Variants in PPARGC1A observed in about 807,000 individuals in gnomAD.
The protein encoded by PPARGC1A is peroxisome proliferator-activated receptor gamma coactivator 1-alpha.
In PPARGC1A, 25 loss-of-function variants were observed where a neutral mutation model predicts 88.7. The ratio of observed to expected loss-of-function variants is 0.28; its 90% CI spans 0.21 to 0.39. The LOEUF is 0.39. Among genes scored for constraint, PPARGC1A ranks in the 10% least tolerant of loss-of-function variants. The pLI, the probability that PPARGC1A is intolerant of heterozygous loss-of-function variation, is 1.00. For synonymous variants in PPARGC1A, 363 were observed against 355.6 expected, an observed-to-expected ratio of 1.02 and a Z score of -0.24; for missense variants, 880 against 968.7, an observed-to-expected ratio of 0.91 and a Z score of 1.22.
At chr4:23,886,872 AAAC>A (rs1365260597) in intron 1 of PPARGC1A, among the ~76,000 whole-genome samples, 93 of 151,436 alleles carry the variant, frequency 6.1e-4, no homozygotes, top group Middle Eastern at 6.9e-3. Context: ...AAAAAAAAAA[AAAC>A]ATGAACAACA....
chr4:23,930,570 ATTTC>A, the PPARGC1A span, among the ~76,000 whole-genome samples: 6 of 152,168 alleles, frequency 3.9e-5, no homozygotes, highest in Non-Finnish European at 8.8e-5. Context: ...CTTATCATTG[ATTTC>A]TTTCTTTTTA....
the PPARGC1A span, among the ~76,000 whole-genome samples, chr4:24,176,031 T>A: frequency 6.6e-6 from 1 of 152,176 alleles, no homozygotes; most frequent in Non-Finnish European, 1.5e-5. Context: ...ATCTTCATTC[T>A]AGCTGTCTCA....
At chr4:24,296,757 C>G in the PPARGC1A span, among the ~76,000 whole-genome samples, 1 of 152,110 alleles carries the variant, frequency 6.6e-6, no homozygotes, top group Non-Finnish European at 1.5e-5. Context: ...ATTACTCTAA[C>G]TGATTTAGTC....
At chr4:24,049,934 T>C in the PPARGC1A span, among the ~76,000 whole-genome samples, 1 of 152,156 alleles carries the variant, frequency 6.6e-6, no homozygotes, top group Non-Finnish European at 1.5e-5. Flanking sequence ...AAGCAATAGT[T>C]TCAAGATTAT....
chr4:24,312,679 TTCTC>T, the PPARGC1A span, among the ~76,000 whole-genome samples: 7 of 151,484 alleles, frequency 4.6e-5, no homozygotes, highest in African/African-American at 1.7e-4. Context: ...CACTGTCATG[TTCTC>T]TCTCTCTACT....
chr4:23,885,237 T>C (rs994655375), intron 1 of PPARGC1A, among the ~76,000 whole-genome samples: 2 of 152,234 alleles, frequency 1.3e-5, no homozygotes, highest in Non-Finnish European at 2.9e-5. Context: ...GACCTCTTTG[T>C]ACAAAATCCT....
chr4:24,079,269 T>G, the PPARGC1A span, among the ~76,000 whole-genome samples: 1 of 152,132 alleles, frequency 6.6e-6, no homozygotes, highest in Non-Finnish European at 1.5e-5. Context: ...GAGTCAGTAG[T>G]TAAATGGAAT....
intron 1 of PPARGC1A, among the ~76,000 whole-genome samples, chr4:23,885,192 G>T (rs1047498584): frequency 3.9e-5 from 6 of 152,112 alleles, no homozygotes; most frequent in African/African-American, 1.4e-4. Flanking sequence ...AGCTTTCTCT[G>T]ATTCTTCCAG....
chr4:24,130,752 A>G, the PPARGC1A span, among the ~76,000 whole-genome samples: 10 of 152,096 alleles, frequency 6.6e-5, no homozygotes, highest in Non-Finnish European at 1.0e-4. Context: ...TGGTGCTTCT[A>G]TAAAAAGAAA....
chr4:23,801,880 C>T lies in PPARGC1A; in HGVS notation c.2143G>A (p.Asp715Asn). 6.2e-7 allele frequency: 1 copy of T among 1,613,852 alleles called. No homozygotes were observed. The highest frequency in any genetic ancestry group is 8.5e-7 in the Non-Finnish European group (1 of 1,179,872). ...ECTVNLRDDG[D>N]SYGFITYRYT... ...CGGTAGGTAATGAAACCATAGCTGT[C>T]TCTGCAACGGACAAAGAAAAGTTCA... Residue 715 changes from aspartate (D) to asparagine (N), a missense_variant and splice_region_variant, in exon 12 of 13, where the codon GAC becomes AAC. By Grantham distance (23) the Asp-to-Asn change is conservative (BLOSUM62 1). Transcript: ENST00000264867.
At chr4:24,161,097 G>A in the PPARGC1A span, among the ~76,000 whole-genome samples, 3 of 152,222 alleles carry the variant, frequency 2.0e-5, no homozygotes, top group Non-Finnish European at 4.4e-5. Flanking sequence ...TGGTTCTCAA[G>A]TCCTACTGAC....
the PPARGC1A span, among the ~76,000 whole-genome samples, chr4:24,105,575 G>T: frequency 1.3e-5 from 2 of 152,110 alleles, no homozygotes; most frequent in East Asian, 3.9e-4. Flanking sequence ...GTCTGGAGTC[G>T]TGCCCAGAAC....
At chr4:23,977,565 C>T in the PPARGC1A span, among the ~76,000 whole-genome samples, 39 of 152,206 alleles carry the variant, frequency 2.6e-4, no homozygotes, top group African/African-American at 8.7e-4. Context: ...TGATAAATAA[C>T]TAATGTATGT....
intron 2 of PPARGC1A, among the ~76,000 whole-genome samples, chr4:23,846,320 T>C (rs1728317252): frequency 6.6e-6 from 1 of 152,190 alleles, no homozygotes; most frequent in East Asian, 1.9e-4. Flanking sequence ...ATCCAAAGGG[T>C]TAAACAAACT....
the PPARGC1A span, among the ~76,000 whole-genome samples, chr4:23,913,975 G>C: frequency 6.8e-4 from 103 of 152,222 alleles, 2 homozygotes; most frequent in East Asian, 0.018. Flanking sequence ...GTAGTAAGTT[G>C]AATAAGCAAG....
the PPARGC1A span, among the ~76,000 whole-genome samples, chr4:24,335,880 CA>C: frequency 6.6e-6 from 1 of 152,012 alleles, no homozygotes; most frequent in Non-Finnish European, 1.5e-5. Context: ...CCTAGTGCTA[CA>C]ATAGCTAAAT....
intron 2 of PPARGC1A, among the ~76,000 whole-genome samples, chr4:23,843,132 T>C (rs1727362585): frequency 1.3e-5 from 2 of 152,210 alleles, no homozygotes; most frequent in Middle Eastern, 6.8e-3. Context: ...CTTCTGACTA[T>C]CACCATTATC....
At chr4:24,041,203 C>T in the PPARGC1A span, among the ~76,000 whole-genome samples, 1 of 152,296 alleles carries the variant, frequency 6.6e-6, no homozygotes, top group East Asian at 1.9e-4. Flanking sequence ...TTGCCTTCCA[C>T]ATCTGATTAG....
chr4:24,156,157 G>C, the PPARGC1A span, among the ~76,000 whole-genome samples: 1 of 152,136 alleles, frequency 6.6e-6, no homozygotes, highest in Non-Finnish European at 1.5e-5. Context: ...CAACGACACA[G>C]CTGGAAATAA....
Sources: allele counts gnomAD v4.1 joint callset (sites outside exome capture counted in the v4.1 genomes callset), GRCh38; gene constraint gnomAD v4.1.1; transcripts MANE v1.5; gene names NCBI Gene and HGNC (gene_info 2026-07-23, HGNC 2026-07-21).